PTPRB: variants seen among roughly 807,000 people sequenced by gnomAD.
PTPRB encodes the protein protein tyrosine phosphatase receptor type B, also known as receptor-type tyrosine-protein phosphatase beta.
Under a neutral mutation model 238.1 loss-of-function variants are expected in PTPRB, and 97 were observed. That is an observed-to-expected ratio of 0.41 (90% CI 0.35 to 0.48). PTPRB has a LOEUF of 0.48. Ranked by LOEUF, PTPRB falls within the 20% of genes least tolerant of loss-of-function variation. PTPRB has a pLI of 0.30. For synonymous variants in PTPRB, 970 were observed against 995.4 expected, an observed-to-expected ratio of 0.97 and a Z score of 0.48; for missense variants, 2,292 against 2,681.9, an observed-to-expected ratio of 0.85 and a Z score of 3.21.
rs1224032774 is a variant in PTPRB at position 70,536,011 on chromosome 12, G to C, written c.6081+14C>G. The C allele has an allele frequency of 2.5e-6, 4 of 1,611,478 alleles. No homozygotes were observed. Among genetic ancestry groups the C allele is most frequent in the Non-Finnish European group, 2.5e-6 (3 of 1,178,748 alleles). ...GAAAGCAAAGCTTTGATGCCAGGAA[G>C]GCTGTTTACTCACTCGGCCCTTCTC... On this transcript the variant is annotated intron_variant, in intron 29 of 33. Coordinates refer to ENST00000334414, the MANE Select transcript of PTPRB (RefSeq NM_001109754.4).
intron 20 of PTPRB, among the ~76,000 whole-genome samples, chr12:70,554,304 A>G (rs1392688113): frequency 6.6e-6 from 1 of 152,232 alleles, no homozygotes; most frequent in African/African-American, 2.4e-5. Context: ...GATGCTTAAG[A>G]AACTCATGCA....
chr12:70,529,437 A>C (rs1326956549), intron 32 of PTPRB, among the ~76,000 whole-genome samples: 23 of 152,302 alleles, frequency 1.5e-4, no homozygotes, highest in Non-Finnish European at 2.2e-4. Flanking sequence ...TTCCCAAGTT[A>C]CAAATTAATT....
chr12:70,541,205 T>C lies in PTPRB; in HGVS notation c.5495-248A>G, dbSNP rs575568560. Reference sequence around the variant, plus strand: ...GCATACTTTTGAAGTTAATGTTGCATAGCTTATAGAGGAATTTTGGACTTT... The same window carrying C: ...GCATACTTTTGAAGTTAATGTTGCACAGCTTATAGAGGAATTTTGGACTTT... On this transcript the variant is annotated intron_variant, in intron 22 of 33. Coordinates refer to ENST00000334414, the MANE Select transcript of PTPRB (RefSeq NM_001109754.4). The C allele has an allele frequency of 4.2e-5, 15 of 355,718 alleles. No individual in the cohort carries two copies. The Admixed American group carries it at 5.0e-4, about 12-fold the overall frequency. 22.0% of individuals were successfully genotyped at this position (355,718 alleles called of 1,614,324 possible).
At position 70,578,449 on chromosome 12, in the gene PTPRB, G is replaced by A. The variant is rs987977966; in HGVS notation, c.2579-1804C>T. 5.9e-5 allele frequency among the ~76,000 whole-genome samples: 9 copies of A among 151,900 alleles called. No individual in the cohort carries two copies. The East Asian group carries it at 9.7e-4, about 16-fold the overall frequency. On this transcript the variant is annotated intron_variant, in intron 10 of 33. Coordinates refer to ENST00000334414, the MANE Select transcript of PTPRB (RefSeq NM_001109754.4). ...GGAGTCTCCCATTTTCCCCTTTATC[G>A]TGATAATGTGCACTCTTCATATGTT...
rs187096273 is a variant in PTPRB at position 70,536,223 on chromosome 12, A to G, written c.5947-64T>C. The G allele has an allele frequency of 1.7e-4, 260 of 1,534,188 alleles. No individual in the cohort carries two copies. The East Asian group carries it at 5.0e-3, about 29-fold the overall frequency. ...GGCCTCTTCAGAACTATAAACAAAG[A>G]GTTCTTCAGATTAGATGATAGGGAG... is the stretch of plus-strand genomic sequence containing the variant. On this transcript the variant is annotated intron_variant, in intron 28 of 33. Transcript: ENST00000334414.
rs557307259 is a variant in PTPRB at position 70,581,376 on chromosome 12, A to T, written c.2312-74T>A. 55 of 1,428,420 alleles carry T rather than the reference A, an allele frequency of 3.9e-5. No individual in the cohort carries two copies. The African/African-American group carries it at 7.4e-4, about 19-fold the overall frequency. The allele number at this position is 1,428,420 out of a possible 1,614,324, so 88.5% of individuals were successfully genotyped here. A position where few individuals can be genotyped will look rare whatever the true frequency, so the allele number is the denominator to read the frequency against. Reference sequence around the variant, plus strand: ...GAAAGTGTAAGAAAAATGAGTCAAAAAATGGAGACAGACTTGAAAGTACTA... The same window carrying T: ...GAAAGTGTAAGAAAAATGAGTCAAATAATGGAGACAGACTTGAAAGTACTA... On this transcript the variant is annotated intron_variant, in intron 9 of 33. Coordinates refer to ENST00000334414, the MANE Select transcript of PTPRB (RefSeq NM_001109754.4).
In PTPRB at chr12:70,571,273, C is replaced by T. The variant is rs1880020697; in HGVS notation, c.3123G>A (p.Lys1041=). The change falls in exon 13 of 34, where the codon AAG becomes AAA. Residue 1041 remains lysine, a synonymous_variant. Transcript: ENST00000334414. ...TGCTCCTGTTGCGCAATGTTAGATC[C>T]TTAACAGGCTCTGGAACTAGGGAGA... The part of the protein sequence containing the change: ...GNGRTIPEPV[K]DLTLRNRSTE... The T allele has an allele frequency of 5.0e-6, 8 of 1,603,160 alleles. No individual in the cohort carries two copies. The African/African-American group carries it at 5.4e-5, about 11-fold the overall frequency.
intron 15 of PTPRB, among the ~76,000 whole-genome samples, chr12:70,564,849 TAATAATAA>T (rs1012696214): frequency 1.1e-4 from 3 of 27,674 alleles, no homozygotes; most frequent in African/African-American, 1.1e-3. Context: ...TAATAAATAA[TAATAATAA>T]TAATAATAAT....
chr12:70,637,254 T>C, intron 1 of PTPRB, 87 bp downstream of exon 1: 1 of 1,266,648 alleles, frequency 7.9e-7, no homozygotes, highest in Admixed American at 2.1e-5. Context: ...TGGCCCCTTC[T>C]ACCTTATTTC....
intron 11 of PTPRB, among the ~76,000 whole-genome samples, chr12:70,575,945 AG>A (rs1880640389): frequency 6.6e-6 from 1 of 152,156 alleles, no homozygotes; most frequent in African/African-American, 2.4e-5. Context: ...TAGGCACTGG[AG>A]TCATTCAGAA....
chr12:70,576,858 TA>T (rs2136404013), intron 10 of PTPRB, among the ~76,000 whole-genome samples: 1 of 152,126 alleles, frequency 6.6e-6, no homozygotes, highest in South Asian at 2.1e-4. Context: ...CTAATCAAAA[TA>T]AAAATGTCCG....
chr12:70,617,456 C>G (rs117310517), intron 3 of PTPRB, among the ~76,000 whole-genome samples: 3 of 152,134 alleles, frequency 2.0e-5, no homozygotes, highest in Non-Finnish European at 4.4e-5. Flanking sequence ...ATCTAGGAGT[C>G]GAGATGAAGG....
Position 70,596,296 on chromosome 12 carries a change from A to G in PTPRB, c.1011T>C (p.Ser337=). ...AGCTGGTTGAAGTCGTCTTCTCTTT[A>G]CTGACTCCAAACCTAGCAGGAGGTA... ...DPLPPARFGV[S]KEKTTSTSLH... Residue 337 remains serine, a synonymous_variant, in exon 5 of 34, where the codon AGT becomes AGC. Coordinates refer to ENST00000334414, the MANE Select transcript of PTPRB (RefSeq NM_001109754.4). The G allele has an allele frequency of 6.2e-7, 1 of 1,603,278 alleles. No homozygotes were observed. The highest frequency in any genetic ancestry group is 8.5e-7 in the Non-Finnish European group (1 of 1,174,104).
Position 70,539,601 on chromosome 12 carries a change from A to T in PTPRB, c.5778+24T>A, listed in dbSNP as rs1183879493. 3 of 1,476,610 alleles carry T rather than the reference A, an allele frequency of 2.0e-6. No homozygotes were observed. In the Admixed American group the frequency reaches 5.8e-5, roughly 29 times the overall value. 91.5% of individuals were successfully genotyped at this position (1,476,610 alleles called of 1,614,324 possible). ...TTCTGCTAAGAACTAGGGATGCTGA[A>T]GCTTCATTCTGCCTGAGTTGTACCT... On this transcript the variant is annotated intron_variant, in intron 26 of 33. Coordinates refer to ENST00000334414, the MANE Select transcript of PTPRB (RefSeq NM_001109754.4).
intron 21 of PTPRB, among the ~76,000 whole-genome samples, chr12:70,548,638 G>C (rs1876442829): frequency 6.6e-6 from 1 of 152,132 alleles, no homozygotes; most frequent in South Asian, 2.1e-4. Context: ...ACCTAGTATA[G>C]GTTCAGCTTA....
chr12:70,579,033 G>C (rs576484103), intron 10 of PTPRB, among the ~76,000 whole-genome samples: 1 of 152,180 alleles, frequency 6.6e-6, no homozygotes, highest in South Asian at 2.1e-4. Flanking sequence ...GTAGGAGACT[G>C]TATCCCAACC....
intron 32 of PTPRB, among the ~76,000 whole-genome samples, chr12:70,531,578 C>G (rs539254353): frequency 1.2e-4 from 19 of 152,232 alleles, no homozygotes; most frequent in Middle Eastern, 3.4e-3. Flanking sequence ...ATTTTCTAGT[C>G]TGGAAGTAGA....
At chr12:70,584,184 GAATT>G (rs368381514) in intron 9 of PTPRB, among the ~76,000 whole-genome samples, 189 of 152,200 alleles carry the variant, frequency 1.2e-3, no homozygotes, top group African/African-American at 4.3e-3. Context: ...GCTGAAGAAA[GAATT>G]AATGAAATGA....
intron 18 of PTPRB, among the ~76,000 whole-genome samples, chr12:70,556,980 A>G (rs183096768): frequency 2.4e-4 from 36 of 152,360 alleles, no homozygotes; most frequent in Middle Eastern, 3.4e-3. Context: ...AAATGAGTCC[A>G]AAATAGCCAT....
Sources: allele counts gnomAD v4.1 joint callset (sites outside exome capture counted in the v4.1 genomes callset), GRCh38; gene constraint gnomAD v4.1.1; transcripts MANE v1.5; gene names NCBI Gene and HGNC (gene_info 2026-07-23, HGNC 2026-07-21).